The following MRPS27 variants were observed in gnomAD, a reference collection of about 807,000 sequenced individuals.
MRPS27 encodes small ribosomal subunit protein mS27.
Under a neutral mutation model 48.9 loss-of-function variants are expected in MRPS27, and 43 were observed. That is an observed-to-expected ratio of 0.88 (90% CI 0.69 to 1.13). MRPS27 has a LOEUF of 1.13. Ranked by LOEUF, MRPS27 falls within the 50% of genes most tolerant of loss-of-function variation. MRPS27 has a pLI of 0.00. For missense variants in MRPS27, 467 were observed against 476.3 expected, an observed-to-expected ratio of 0.98 and a Z score of 0.18; for synonymous variants, 188 against 171.9, an observed-to-expected ratio of 1.09 and a Z score of -0.73.
chr5:72,281,264 T>C (rs1749526979), intron 4 of MRPS27, among the ~76,000 whole-genome samples: 1 of 152,150 alleles, frequency 6.6e-6, no homozygotes, highest in South Asian at 2.1e-4. Context: ...AAGGGCATTA[T>C]AACGTTATCA....
chr5:72,230,203 T>A (rs1748016936), intron 7 of MRPS27, among the ~76,000 whole-genome samples: 1 of 152,200 alleles, frequency 6.6e-6, no homozygotes. Flanking sequence ...CCCAAGCCTT[T>A]AATTTCTATT....
intron 4 of MRPS27, among the ~76,000 whole-genome samples, chr5:72,252,526 A>G (rs145206254): frequency 2.0e-5 from 3 of 152,254 alleles, no homozygotes; most frequent in African/African-American, 7.2e-5. Context: ...TCCCCTTTTT[A>G]CAAAGTAGGA....
At chr5:72,229,067 G>A (rs1580053811) in intron 7 of MRPS27, 1 of 152,250 alleles carries the variant, frequency 6.6e-6, no homozygotes, top group Non-Finnish European at 1.5e-5. Context: ...AGGACTTCCT[G>A]GCAATGCGGC....
intron 4 of MRPS27, among the ~76,000 whole-genome samples, chr5:72,258,570 G>A (rs1182933000): frequency 3.9e-5 from 6 of 152,132 alleles, no homozygotes; most frequent in Non-Finnish European, 8.8e-5. Flanking sequence ...CTCATGAACG[G>A]ACTAATGCCA....
At chr5:72,306,135 G>A (rs1702385223) in intron 2 of MRPS27, among the ~76,000 whole-genome samples, 1 of 152,144 alleles carries the variant, frequency 6.6e-6, no homozygotes, top group African/African-American at 2.4e-5. Context: ...ATTTTTGCAA[G>A]TTATTTTGAA....
chr5:72,316,027 A>G (rs1408988860), intron 1 of MRPS27, among the ~76,000 whole-genome samples: 3 of 152,238 alleles, frequency 2.0e-5, no homozygotes, highest in African/African-American at 7.2e-5. Context: ...TTACAATGGA[A>G]TAGTATTTGG....
At chr5:72,266,820 A>AC (rs1252170199) in intron 4 of MRPS27, among the ~76,000 whole-genome samples, 7 of 152,100 alleles carry the variant, frequency 4.6e-5, no homozygotes, top group Admixed American at 4.6e-4. Context: ...AGATCGCCCC[A>AC]CTGCACTCCA....
chr5:72,239,174 A>G (rs1748287528), intron 4 of MRPS27, among the ~76,000 whole-genome samples: 3 of 152,162 alleles, frequency 2.0e-5, no homozygotes, highest in African/African-American at 2.4e-5. Context: ...ATTCCATGCT[A>G]TATTTGAGAG....
intron 4 of MRPS27, among the ~76,000 whole-genome samples, chr5:72,252,700 T>C (rs564351759): frequency 8.3e-4 from 127 of 152,312 alleles, no homozygotes; most frequent in Middle Eastern, 3.4e-3. Context: ...TGTGTCACTC[T>C]GAATAATGGA....
At chr5:72,239,039 C>G (rs537167194) in intron 4 of MRPS27, among the ~76,000 whole-genome samples, 2 of 152,090 alleles carry the variant, frequency 1.3e-5, no homozygotes, top group African/African-American at 2.4e-5. Context: ...TATACTATAT[C>G]ATGTTAGCTG....
In MRPS27 at chr5:72,221,437, C is replaced by T. The variant is rs779281726; in HGVS notation, c.1006-289G>A. Among the ~76,000 whole-genome samples the T allele has an allele frequency of 8.1e-4, 124 of 152,172 alleles. 1 individual carries two copies. Among genetic ancestry groups the T allele is most frequent in the Non-Finnish European group, 5.3e-4 (36 of 68,030 alleles). On this transcript the variant is annotated intron_variant, in intron 10 of 10. Transcript: ENST00000261413. The stretch of plus-strand genomic sequence containing the variant: ...TCAGCAATTTTGCTAAGATGCACCA[C>T]ATGTGATTTCTCCCCTTTCACTCAA...
At chr5:72,222,585 G>A (rs1747777313) in intron 10 of MRPS27, 1 of 152,212 alleles carries the variant, frequency 6.6e-6, no homozygotes, top group Admixed American at 6.5e-5. Flanking sequence ...AGAATGGTAT[G>A]GCAACCTTGG....
At chr5:72,257,739 T>C (rs770628588) in intron 4 of MRPS27, among the ~76,000 whole-genome samples, 2 of 152,190 alleles carry the variant, frequency 1.3e-5, no homozygotes, top group Non-Finnish European at 2.9e-5. Flanking sequence ...GATGGGATTA[T>C]GTGAGCAGCA....
intron 2 of MRPS27, among the ~76,000 whole-genome samples, chr5:72,298,700 G>A (rs377754009): frequency 6.5e-5 from 8 of 123,904 alleles, no homozygotes; most frequent in East Asian, 2.6e-4. Context: ...GAGACAGAGC[G>A]AGACTCCGTC....
chr5:72,262,697 C>T (rs1338092947), intron 4 of MRPS27, among the ~76,000 whole-genome samples: 1 of 152,032 alleles, frequency 6.6e-6, no homozygotes, highest in Non-Finnish European at 1.5e-5. Context: ...TGTAGACTGA[C>T]AGGAGAATGT....
rs978055746 is a variant in MRPS27, at chr5:72,219,584, A to C, written c.*1325T>G. ...TGATAGAAGAGCACAATCTTGAATA[A>C]AATTACACCACTGTACTTAAGGGCA... On this transcript the variant is annotated 3_prime_UTR_variant, in exon 11 of 11. Coordinates refer to ENST00000261413, the MANE Select transcript of MRPS27 (RefSeq NM_015084.3). The C allele has an allele frequency of 1.3e-5, 2 of 152,212 alleles. No individual in the cohort carries two copies. Among genetic ancestry groups the C allele is most frequent in the Admixed American group, 6.5e-5 (1 of 15,276 alleles). 9.4% of individuals were successfully genotyped at this position (152,212 alleles called of 1,614,324 possible). A position where few individuals can be genotyped will look rare whatever the true frequency, so the allele number is the denominator to read the frequency against.
chr5:72,224,882 G>A (rs1159830335), intron 9 of MRPS27, among the ~76,000 whole-genome samples: 1 of 152,202 alleles, frequency 6.6e-6, no homozygotes, highest in Non-Finnish European at 1.5e-5. Flanking sequence ...AGCAAGGCCA[G>A]TAGAAACACC....
chr5:72,221,300 A>AGC (rs1289198713), intron 10 of MRPS27, 152 bp from the exon 11 acceptor site: 10 of 954,010 alleles, frequency 1.0e-5, no homozygotes, highest in African/African-American at 1.7e-5. Flanking sequence ...CCCAGAATGA[A>AGC]GTCACCTGCA....
At chr5:72,292,209 T>G (rs900285637) in intron 4 of MRPS27, among the ~76,000 whole-genome samples, 1 of 149,744 alleles carries the variant, frequency 6.7e-6, no homozygotes, top group African/African-American at 2.4e-5. Context: ...ACCAGTTTTT[T>G]TTTTTTTTTT....
Sources: gnomAD v4.1 joint callset for allele counts (sites outside exome capture counted in the v4.1 genomes callset) on GRCh38, gnomAD v4.1.1 for gene constraint, MANE v1.5 for transcripts, NCBI Gene and HGNC (gene_info 2026-07-23, HGNC 2026-07-21) for gene names.